Variants in FHIT observed in about 807,000 individuals in gnomAD.
The protein encoded by FHIT is fragile histidine triad diadenosine triphosphatase, also known as bis(5'-adenosyl)-triphosphatase.
A neutral mutation model predicts 17.9 loss-of-function variants in FHIT; 19 were observed. The observed-to-expected ratio is 1.06, with a 90% CI of 0.74 to 1.56. FHIT has a LOEUF of 1.56. FHIT is among the 40% of genes most tolerant of loss of function. The pLI is 0.00. For missense variants in FHIT, 248 were observed against 189.2 expected, an observed-to-expected ratio of 1.31 and a Z score of -1.82; for synonymous variants, 81 against 69.7, an observed-to-expected ratio of 1.16 and a Z score of -0.81.
At chr3:60,817,652 G>A (rs1322857527) in intron 4 of FHIT, among the ~76,000 whole-genome samples, 1 of 151,658 alleles carries the variant, frequency 6.6e-6, no homozygotes, top group Non-Finnish European at 1.5e-5. Context: ...ATTTTTCTCT[G>A]GCTACTATCA....
intron 5 of FHIT, among the ~76,000 whole-genome samples, chr3:60,176,129 G>T (rs567038147): frequency 6.6e-6 from 1 of 152,270 alleles, no homozygotes; most frequent in South Asian, 2.1e-4. Context: ...AAGGAAGGTG[G>T]ATCACCTGAG....
intron 5 of FHIT, among the ~76,000 whole-genome samples, chr3:60,224,110 C>T (rs755122531): frequency 6.6e-6 from 1 of 152,130 alleles, no homozygotes; most frequent in Non-Finnish European, 1.5e-5. Flanking sequence ...CACACCAAAG[C>T]CTCTCAACAA....
In FHIT at chr3:60,215,558, A is replaced by G. The variant is rs571106818; in HGVS notation, c.104-201406T>C. 8.5e-5 allele frequency among the ~76,000 whole-genome samples: 13 copies of G among 152,092 alleles called. No individual in the cohort carries two copies. The South Asian group carries it at 2.5e-3, about 29-fold the overall frequency. ...AGCCTGGGTGACAGAGTGGTACTCC[A>G]TCTCAAAAAATAAAATAAAATAAAA... On this transcript the variant is annotated intron_variant, in intron 5 of 9. Coordinates refer to ENST00000492590, the MANE Select transcript of FHIT (RefSeq NM_002012.4).
chr3:60,137,650 G>GAA (rs2107288292), intron 5 of FHIT, among the ~76,000 whole-genome samples: 1 of 152,268 alleles, frequency 6.6e-6, no homozygotes, highest in South Asian at 2.1e-4. Flanking sequence ...AACAATACCT[G>GAA]AAACTCTGTT....
chr3:60,834,872 A>T, intron 3 of FHIT, among the ~76,000 whole-genome samples: 1 of 142,114 alleles, frequency 7.0e-6, no homozygotes, highest in Middle Eastern at 3.5e-3. Flanking sequence ...CTCAAAAAAG[A>T]AAAGAAAAGA....
intron 3 of FHIT, among the ~76,000 whole-genome samples, chr3:60,860,251 G>T (rs868948697): frequency 3.0e-4 from 41 of 135,128 alleles, no homozygotes; most frequent in African/African-American, 1.0e-3. Context: ...GTATACATGA[G>T]ATACATCATA....
chr3:60,987,428 G>T (rs989453752), intron 3 of FHIT, among the ~76,000 whole-genome samples: 4 of 152,182 alleles, frequency 2.6e-5, no homozygotes, highest in African/African-American at 4.8e-5. Context: ...AGCAATCTGT[G>T]CCTTAAGGAC....
intron 8 of FHIT, among the ~76,000 whole-genome samples, chr3:59,830,477 C>A (rs1159432158): frequency 6.6e-6 from 1 of 152,156 alleles, no homozygotes; most frequent in Non-Finnish European, 1.5e-5. Flanking sequence ...CAAAATGTGC[C>A]ATGTCAAAAC....
At position 60,930,682 on chromosome 3, in the gene FHIT, T is replaced by G. The variant is rs1575709663; in HGVS notation, c.-110-108671A>C. On this transcript the variant is annotated intron_variant, in intron 3 of 9. Coordinates refer to ENST00000492590, the MANE Select transcript of FHIT (RefSeq NM_002012.4). The stretch of plus-strand genomic sequence containing the variant: ...ACAATGAGATACCATCTCACACCAG[T>G]TAGAATGGCGATCATTAAAAAGTCA... 5.9e-5 allele frequency among the ~76,000 whole-genome samples: 9 copies of G among 152,258 alleles called. No individual in the cohort carries two copies. In the South Asian group the frequency reaches 1.9e-3, roughly 32 times the overall value.
intron 3 of FHIT, among the ~76,000 whole-genome samples, chr3:60,900,559 C>A (rs936666014): frequency 6.6e-6 from 1 of 151,844 alleles, no homozygotes; most frequent in Admixed American, 6.6e-5. Flanking sequence ...ATATTAATGC[C>A]CTGCCAACCA....
At chr3:60,282,762 C>G (rs945622763) in intron 5 of FHIT, among the ~76,000 whole-genome samples, 69 of 152,084 alleles carry the variant, frequency 4.5e-4, no homozygotes, top group African/African-American at 1.6e-3. Flanking sequence ...TAAAGCTGTT[C>G]TAAAAAATAA....
chr3:60,197,132 A>G (rs1702684050), intron 5 of FHIT, among the ~76,000 whole-genome samples: 2 of 152,216 alleles, frequency 1.3e-5, no homozygotes, highest in African/African-American at 2.4e-5. Flanking sequence ...CTTAACATGC[A>G]TTTAAAAATA....
intron 3 of FHIT, among the ~76,000 whole-genome samples, chr3:60,834,215 C>T (rs1702439175): frequency 6.6e-6 from 1 of 152,214 alleles, no homozygotes; most frequent in Non-Finnish European, 1.5e-5. Flanking sequence ...GTGGCTATAA[C>T]ATTTTACATT....
rs146720650 is a variant in FHIT, at chr3:60,526,455, A to T, written c.103+10405T>A. 1.2e-4 allele frequency among the ~76,000 whole-genome samples: 18 copies of T among 152,096 alleles called. 1 individual carries two copies. The highest frequency in any genetic ancestry group is 4.3e-4 in the African/African-American group (18 of 41,506). On this transcript the variant is annotated intron_variant, in intron 5 of 9. Transcript: ENST00000492590. The stretch of plus-strand genomic sequence containing the variant: ...GTGCCTGCCTCCTACTCGGACATTC[A>T]TGGTCATTTACAGGAACCGGGGGAC...
At chr3:60,939,461 T>G (rs1436215048) in intron 3 of FHIT, among the ~76,000 whole-genome samples, 2 of 152,124 alleles carry the variant, frequency 1.3e-5, no homozygotes, top group African/African-American at 4.8e-5. Flanking sequence ...GAATCCATAA[T>G]TAACTAGATA....
At chr3:60,061,805 A>G (rs1357934555) in intron 5 of FHIT, among the ~76,000 whole-genome samples, 1 of 152,234 alleles carries the variant, frequency 6.6e-6, no homozygotes, top group Non-Finnish European at 1.5e-5. Context: ...ATATGAAAGG[A>G]AAGCAGACAA....
intron 5 of FHIT, among the ~76,000 whole-genome samples, chr3:60,483,675 A>C (rs1005633160): frequency 6.6e-6 from 1 of 152,222 alleles, no homozygotes; most frequent in African/African-American, 2.4e-5. Flanking sequence ...GATGGGACAT[A>C]TCTCAAAATA....
intron 5 of FHIT, among the ~76,000 whole-genome samples, chr3:60,140,204 T>G (rs1204158044): frequency 1.3e-5 from 2 of 152,178 alleles, no homozygotes; most frequent in Non-Finnish European, 2.9e-5. Context: ...TGTACATTTA[T>G]GTACAGTAGT....
chr3:61,158,956 G>T (rs759325999), intron 2 of FHIT, among the ~76,000 whole-genome samples: 6 of 152,174 alleles, frequency 3.9e-5, no homozygotes, highest in African/African-American at 2.4e-5. Flanking sequence ...TGTAGACTGG[G>T]AAAAGTCCCA....
Sources: gnomAD v4.1 joint callset for allele counts (sites outside exome capture counted in the v4.1 genomes callset) on GRCh38, gnomAD v4.1.1 for gene constraint, MANE v1.5 for transcripts, NCBI Gene and HGNC (gene_info 2026-07-23, HGNC 2026-07-21) for gene names.